ELAPOR2: variants seen among roughly 807,000 people sequenced by gnomAD.
ELAPOR2 encodes endosome/lysosome-associated apoptosis and autophagy regulator family member 2.
Under a neutral mutation model 120.7 loss-of-function variants are expected in ELAPOR2, and 89 were observed. The observed-to-expected ratio is 0.74, with a 90% confidence interval of 0.62 to 0.88. ELAPOR2 has a LOEUF of 0.88. Ranked by LOEUF, ELAPOR2 falls within the 40% of genes least tolerant of loss-of-function variation. The pLI, the probability that ELAPOR2 is intolerant of heterozygous loss-of-function variation, is 0.00. For missense variants in ELAPOR2, 1,134 were observed against 1,251.6 expected (o/e 0.91, Z 1.42); for synonymous variants, 444 against 444.9 (o/e 1.00, Z 0.03).
intron 1 of ELAPOR2, among the ~76,000 whole-genome samples, chr7:87,023,805 G>A (rs1794147050): frequency 6.6e-6 from 1 of 152,060 alleles, no homozygotes; most frequent in Admixed American, 6.5e-5. Context: ...GGATTCCTAG[G>A]TATTTTATTT....
Position 86,877,090 on chromosome 7 carries a change from TCTAGA to T in ELAPOR2, c.*3376_*3380del, listed in dbSNP as rs1486899758. ...AAAAAAAATGTTTGCTGGGCTCTGATCTAGACAAGTGTAATCATAATAGCGAATAA... is the reference window on the plus strand; with the variant it reads ...AAAAAAAATGTTTGCTGGGCTCTGATCAAGTGTAATCATAATAGCGAATAA... On this transcript the variant is annotated 3_prime_UTR_variant, in exon 22 of 22. Transcript: ENST00000450689. The T allele has an allele frequency of 2.6e-5, 4 of 152,162 alleles. No homozygotes were observed. Among genetic ancestry groups the T allele is most frequent in the Non-Finnish European group, 5.9e-5 (4 of 68,016 alleles). 9.4% of individuals were successfully genotyped at this position (152,162 alleles called of 1,614,324 possible). A position where few individuals can be genotyped will look rare whatever the true frequency, so the allele number is the denominator to read the frequency against.
intron 2 of ELAPOR2, among the ~76,000 whole-genome samples, chr7:86,958,638 T>G (rs996426129): frequency 3.9e-5 from 6 of 152,284 alleles, no homozygotes; most frequent in Middle Eastern, 3.4e-3. Flanking sequence ...GAAAACCAGA[T>G]GCTGCTCCAC....
Position 86,938,767 on chromosome 7 carries a change from T to C in ELAPOR2, c.1000+41A>G, listed in dbSNP as rs767000296. On this transcript the variant is annotated intron_variant, in intron 7 of 21. Coordinates refer to ENST00000450689, the MANE Select transcript of ELAPOR2 (RefSeq NM_001142749.3). Reference sequence around the variant, plus strand: ...TTTATAAATGTACACTTGACCAACATACATTTAGAAAGAAAAAAGCAGAGT... The same window carrying C: ...TTTATAAATGTACACTTGACCAACACACATTTAGAAAGAAAAAAGCAGAGT... 5 of 1,603,442 alleles carry C rather than the reference T, an allele frequency of 3.1e-6. No individual in the cohort carries two copies. In the Admixed American group the frequency reaches 5.0e-5, roughly 16 times the overall value.
intron 1 of ELAPOR2, among the ~76,000 whole-genome samples, chr7:86,989,936 T>C (rs372637049): frequency 3.1e-4 from 47 of 152,242 alleles, no homozygotes; most frequent in Middle Eastern, 3.4e-3. Context: ...GTTGCTGCTA[T>C]GTTTGTTCCC....
chr7:87,012,514 T>A (rs1228965298), intron 1 of ELAPOR2, among the ~76,000 whole-genome samples: 1 of 152,192 alleles, frequency 6.6e-6, no homozygotes, highest in Non-Finnish European at 1.5e-5. Flanking sequence ...TTTATTCAAT[T>A]ATATCATATC....
intron 1 of ELAPOR2, among the ~76,000 whole-genome samples, chr7:86,993,666 G>C (rs1015961595): frequency 2.6e-5 from 4 of 152,136 alleles, no homozygotes; most frequent in Non-Finnish European, 5.9e-5. Flanking sequence ...ACCAAAAATG[G>C]ATGATAAAAC....
In ELAPOR2 at chr7:86,990,073, G is replaced by T. The variant is rs567559878; in HGVS notation, c.190-25049C>A. 4.7e-4 allele frequency among the ~76,000 whole-genome samples: 72 copies of T among 151,736 alleles called. No individual in the cohort carries two copies. The South Asian group carries it at 0.015, about 31-fold the overall frequency. ...TTATTTTTATTTTTTTTGAGACAGA[G>T]TCTTGCTCTGTCCCCCAGGCTGGAG... is the stretch of plus-strand genomic sequence containing the variant. On this transcript the variant is annotated intron_variant, in intron 1 of 21. Coordinates refer to ENST00000450689, the MANE Select transcript of ELAPOR2 (RefSeq NM_001142749.3).
chr7:86,961,405 T>C (rs985496102), intron 2 of ELAPOR2, among the ~76,000 whole-genome samples: 2 of 152,164 alleles, frequency 1.3e-5, no homozygotes, highest in African/African-American at 2.4e-5. Context: ...AATAAGAGAA[T>C]ATAAAAGGGA....
chr7:86,878,392 G>A lies in ELAPOR2; in HGVS notation c.*2079C>T, dbSNP rs1799249195. 1 of 152,144 alleles carries A rather than the reference G, an allele frequency of 6.6e-6. No homozygotes were observed. Among genetic ancestry groups the A allele is most frequent in the African/African-American group, 2.4e-5 (1 of 41,428 alleles). 9.4% of individuals were successfully genotyped at this position (152,144 alleles called of 1,614,324 possible). On this transcript the variant is annotated 3_prime_UTR_variant, in exon 22 of 22. Coordinates refer to ENST00000450689, the MANE Select transcript of ELAPOR2 (RefSeq NM_001142749.3). The stretch of plus-strand genomic sequence containing the variant: ...AAAATATATTTAATATCTAAAATTA[G>A]AAATAAAATAAATTCTCCAATATCA...
intron 2 of ELAPOR2, among the ~76,000 whole-genome samples, chr7:86,960,418 T>A (rs1029224743): frequency 6.6e-6 from 1 of 151,990 alleles, no homozygotes; most frequent in African/African-American, 2.4e-5. Flanking sequence ...ACCTGGCTGA[T>A]TTTTTTGTAT....
In ELAPOR2 at chr7:86,879,103, C is replaced by G. The variant is rs886362033; in HGVS notation, c.*1368G>C. ...GCCAATCACAACTATTTTTTTAAAT[C>G]TGCATTAAGGTCTATAAAGATTACT... On this transcript the variant is annotated 3_prime_UTR_variant, in exon 22 of 22. Coordinates refer to ENST00000450689, the MANE Select transcript of ELAPOR2 (RefSeq NM_001142749.3). The G allele has an allele frequency of 1.3e-5, 2 of 152,070 alleles. No individual in the cohort carries two copies. Among genetic ancestry groups the G allele is most frequent in the African/African-American group, 4.8e-5 (2 of 41,414 alleles). 9.4% of individuals were successfully genotyped at this position (152,070 alleles called of 1,614,324 possible). A position where few individuals can be genotyped will look rare whatever the true frequency, so the allele number is the denominator to read the frequency against.
At chr7:86,930,490 T>C (rs1275591066) in intron 8 of ELAPOR2, among the ~76,000 whole-genome samples, 1 of 151,974 alleles carries the variant, frequency 6.6e-6, no homozygotes, top group Non-Finnish European at 1.5e-5. Flanking sequence ...ATCTTTGTCC[T>C]GCTATATAAT....
chr7:86,918,672 AC>A (rs1352706242), intron 11 of ELAPOR2, 128 bp from the exon 12 acceptor site: 2 of 621,838 alleles, frequency 3.2e-6, no homozygotes, highest in Non-Finnish European at 5.7e-6. Context: ...CACTTCCCTC[AC>A]CCACAACTCC....
chr7:86,903,541 C>T (rs1788819216), intron 18 of ELAPOR2, among the ~76,000 whole-genome samples: 1 of 152,134 alleles, frequency 6.6e-6, no homozygotes, highest in African/African-American at 2.4e-5. Flanking sequence ...TTTTAACAGT[C>T]CTTCCCCAAA....
chr7:86,968,758 T>C (rs758568943), intron 1 of ELAPOR2, among the ~76,000 whole-genome samples: 2 of 152,208 alleles, frequency 1.3e-5, no homozygotes, highest in African/African-American at 2.4e-5. Flanking sequence ...CTTCTGACAG[T>C]TTATCAACAA....
chr7:87,040,583 G>T (rs1422038449), intron 1 of ELAPOR2, among the ~76,000 whole-genome samples: 1 of 152,080 alleles, frequency 6.6e-6, no homozygotes, highest in Non-Finnish European at 1.5e-5. Flanking sequence ...CTAACAAACA[G>T]AAAGGACATC....
chr7:87,024,646 C>T (rs896557736), intron 1 of ELAPOR2, among the ~76,000 whole-genome samples: 1 of 152,058 alleles, frequency 6.6e-6, no homozygotes, highest in Non-Finnish European at 1.5e-5. Flanking sequence ...ATAGTACCAG[C>T]TCCTCCTTGT....
At chr7:86,907,062 G>A (rs990340736) in intron 18 of ELAPOR2, among the ~76,000 whole-genome samples, 2 of 152,080 alleles carry the variant, frequency 1.3e-5, no homozygotes, top group Admixed American at 6.6e-5. Flanking sequence ...CATCCAAAGC[G>A]AACTGCATTA....
At chr7:87,036,912 T>A (rs1794607061) in intron 1 of ELAPOR2, among the ~76,000 whole-genome samples, 1 of 152,066 alleles carries the variant, frequency 6.6e-6, no homozygotes. Context: ...AACGTACAAA[T>A]GTACCCCAAT....
Sources: allele counts gnomAD v4.1 joint callset (sites outside exome capture counted in the v4.1 genomes callset), GRCh38; gene constraint gnomAD v4.1.1; transcripts MANE v1.5; gene names NCBI Gene and HGNC (gene_info 2026-07-23, HGNC 2026-07-21).